STK40: variants seen among roughly 807,000 people sequenced by gnomAD.
The protein encoded by STK40 is serine/threonine-protein kinase 40.
A neutral mutation model predicts 47.9 loss-of-function variants in STK40; 13 were observed. The observed-to-expected ratio is 0.27, with a 90% CI of 0.18 to 0.43. The LOEUF is 0.43. STK40 is among the 20% of genes least tolerant of loss of function. The pLI, the probability that STK40 is intolerant of heterozygous loss-of-function variation, is 1.00. For synonymous variants in STK40, 225 were observed against 243.2 expected, an observed-to-expected ratio of 0.93 and a Z score of 0.69; for missense variants, 460 against 595.1, an observed-to-expected ratio of 0.77 and a Z score of 2.36.
Position 36,354,327 on chromosome 1 carries a change from CG to C in STK40, c.623+36del, listed in dbSNP as rs768865179. On this transcript the variant is annotated intron_variant, in intron 6 of 10. Transcript: ENST00000373132. ...TGCAATGTGTAGCCTGCCCCAGCCC[CG>C]GGGTAACTGTATGGATGTAGAGACA... The C allele has an allele frequency of 3.7e-6, 6 of 1,612,050 alleles. No individual in the cohort carries two copies. In the South Asian group the frequency reaches 5.5e-5, roughly 15 times the overall value.
rs116798272 is a variant in STK40, at chr1:36,381,403, C to T, written c.-9+4320G>A. Among the ~76,000 whole-genome samples the T allele has an allele frequency of 8.3e-3, 1,257 of 152,280 alleles. 17 individuals are homozygous for T. Among genetic ancestry groups the T allele is most frequent in the African/African-American group, 0.029 (1,206 of 41,552 alleles). ...AGTGCCACACAAATTACCACATATC[C>T]GTGCTTGTGCCAGGCTGCTCCCCCT... On this transcript the variant is annotated intron_variant, in intron 1 of 10. Coordinates refer to ENST00000373132, the MANE Select transcript of STK40 (RefSeq NM_001282547.2).
At chr1:36,360,307 C>A (rs558411195) in intron 2 of STK40, among the ~76,000 whole-genome samples, 2 of 152,288 alleles carry the variant, frequency 1.3e-5, no homozygotes, top group South Asian at 4.1e-4. Flanking sequence ...TGGCTGCAAC[C>A]CTGACTATAA....
chr1:36,343,333 G>T, intron 10 of STK40, 31 bp downstream of exon 10: 4 of 1,601,642 alleles, frequency 2.5e-6, no homozygotes, highest in Non-Finnish European at 3.4e-6. Context: ...CTTGGGGCTG[G>T]GTAATGGCCC....
chr1:36,346,303 C>T lies in STK40; in HGVS notation c.740-2039G>A, dbSNP rs181549370. Among the ~76,000 whole-genome samples, 102 of 152,168 alleles carry T rather than the reference C, an allele frequency of 6.7e-4. 2 individuals carry two copies. In the East Asian group the frequency reaches 0.017, roughly 25 times the overall value. Reference sequence around the variant, plus strand: ...GCCACCGCGCCTGGCTGGTTAAGGGCATTATTTAATCCCTCAAGTACTACT... The same window carrying T: ...GCCACCGCGCCTGGCTGGTTAAGGGTATTATTTAATCCCTCAAGTACTACT... On this transcript the variant is annotated intron_variant, in intron 7 of 10. Transcript: ENST00000373132.
chr1:36,351,812 G>A (rs1646761606), intron 6 of STK40, among the ~76,000 whole-genome samples: 1 of 152,236 alleles, frequency 6.6e-6, no homozygotes, highest in Admixed American at 6.5e-5. Flanking sequence ...GAGTGCTGGT[G>A]TGGTTAGCAG....
intron 4 of STK40, among the ~76,000 whole-genome samples, chr1:36,357,742 G>A (rs987425363): frequency 1.3e-5 from 2 of 152,112 alleles, no homozygotes; most frequent in Admixed American, 6.5e-5. Flanking sequence ...TCAGCCTCCC[G>A]AGTAGCTGGG....
rs983378166 is a variant in STK40 at position 36,339,953 on chromosome 1, C to T, written c.*1802G>A. 4.6e-5 allele frequency: 7 copies of T among 152,474 alleles called. No individual in the cohort carries two copies. Among genetic ancestry groups the T allele is most frequent in the East Asian group, 1.9e-4 (1 of 5,162 alleles). The allele number at this position is 152,474 out of a possible 1,614,324, so 9.4% of individuals were successfully genotyped here. Reference sequence around the variant, plus strand: ...CCGGTGGGCTGCTGAGAGGGGGCTCCGCTGCGACGGGCCCTGGCCCAGCTT... The same window carrying T: ...CCGGTGGGCTGCTGAGAGGGGGCTCTGCTGCGACGGGCCCTGGCCCAGCTT... On this transcript the variant is annotated 3_prime_UTR_variant, in exon 11 of 11. Coordinates refer to ENST00000373132, the MANE Select transcript of STK40 (RefSeq NM_001282547.2).
At position 36,361,266 on chromosome 1, in the gene STK40, C is replaced by T. The variant is rs867052874; in HGVS notation, c.67G>A (p.Gly23Arg). 1 of 1,614,114 alleles carries T rather than the reference C, an allele frequency of 6.2e-7. No homozygotes were observed. The highest frequency in any genetic ancestry group is 1.3e-5 in the African/African-American group (1 of 74,934). ...CTCTTTGCATTATTTCCAGAAATCC[C>T]ACTTCCTAGAGCCTTGGCCCTGGCC... ...TSARAKALGS[G>R]ISGNNAKRAG... Residue 23 changes from glycine to arginine, a missense_variant, in exon 2 of 11, where the codon GGG (glycine) becomes AGG (arginine). Gly to Arg is a moderately radical substitution (Grantham distance 125). Coordinates refer to ENST00000373132, the MANE Select transcript of STK40 (RefSeq NM_001282547.2).
chr1:36,347,645 GTT>G (rs562523525), intron 7 of STK40, among the ~76,000 whole-genome samples: 1 of 146,954 alleles, frequency 6.8e-6, no homozygotes, highest in African/African-American at 2.5e-5. Flanking sequence ...AACTTTATGA[GTT>G]TTTTTTTTTC....
intron 1 of STK40, among the ~76,000 whole-genome samples, chr1:36,371,166 A>C (rs1311170006): frequency 1.4e-5 from 2 of 144,334 alleles, no homozygotes; most frequent in Admixed American, 1.4e-4. Flanking sequence ...GGCGTGAGCC[A>C]CCACACCCAG....
intron 1 of STK40, among the ~76,000 whole-genome samples, chr1:36,383,503 C>T (rs1647058374): frequency 6.6e-6 from 1 of 152,220 alleles, no homozygotes; most frequent in Non-Finnish European, 1.5e-5. Context: ...AGCAAAGATC[C>T]ATCGCCCCAG....
chr1:36,366,753 C>T (rs1346323119), intron 1 of STK40, among the ~76,000 whole-genome samples: 1 of 152,152 alleles, frequency 6.6e-6, no homozygotes, highest in African/African-American at 2.4e-5. Flanking sequence ...TGGTCCACTA[C>T]TCGGTGCCCC....
chr1:36,356,035 C>T (rs1646800763), intron 4 of STK40, among the ~76,000 whole-genome samples: 1 of 152,136 alleles, frequency 6.6e-6, no homozygotes, highest in Non-Finnish European at 1.5e-5. Context: ...GGTTCAGGCC[C>T]CAGCCACCTT....
At chr1:36,377,262 G>A (rs1646999353) in intron 1 of STK40, among the ~76,000 whole-genome samples, 1 of 151,836 alleles carries the variant, frequency 6.6e-6, no homozygotes, top group South Asian at 2.1e-4. Context: ...GGAGCCAGGC[G>A]TGGTGGCTCA....
Position 36,385,796 on chromosome 1 carries a change from G to A in STK40, c.-82C>T, listed in dbSNP as rs1647081682. ...CGGGGCTGCTCGGCTCTCCCTCCCG[G>A]GGGGCCGGGGCCGGGCTGGAGGCGT... On this transcript the variant is annotated 5_prime_UTR_variant, in exon 1 of 11. Coordinates refer to ENST00000373132, the MANE Select transcript of STK40 (RefSeq NM_001282547.2). 1 of 163,430 alleles carries A rather than the reference G, an allele frequency of 6.1e-6. No homozygotes were observed. The highest frequency in any genetic ancestry group is 1.3e-5 in the Non-Finnish European group (1 of 76,880). 10.1% of individuals were successfully genotyped at this position (163,430 alleles called of 1,614,324 possible).
At chr1:36,359,606 A>C (rs1646834495) in intron 2 of STK40, among the ~76,000 whole-genome samples, 1 of 152,232 alleles carries the variant, frequency 6.6e-6, no homozygotes, top group African/African-American at 2.4e-5. Flanking sequence ...ACCTTGCCCA[A>C]GCTTTGAGAG....
intron 7 of STK40, among the ~76,000 whole-genome samples, chr1:36,345,016 T>A (rs1570433817): frequency 6.6e-6 from 1 of 152,228 alleles, no homozygotes; most frequent in African/African-American, 2.4e-5. Flanking sequence ...TGGGCCCACA[T>A]CTGACTGTCA....
At chr1:36,379,468 G>A (rs1225974566) in intron 1 of STK40, among the ~76,000 whole-genome samples, 2 of 148,416 alleles carry the variant, frequency 1.3e-5, no homozygotes, top group Non-Finnish European at 3.0e-5. Flanking sequence ...TGCAAGCTCC[G>A]CCTCCTGGGT....
At chr1:36,345,991 A>ATATATATTTTT in intron 7 of STK40, among the ~76,000 whole-genome samples, 1 of 26,466 alleles carries the variant, frequency 3.8e-5, no homozygotes, top group South Asian at 1.6e-3. Flanking sequence ...ATATATATAT[A>ATATATATTTTT]TTTTTTTTTT....
Sources: gnomAD v4.1 joint callset for allele counts (sites outside exome capture counted in the v4.1 genomes callset) on GRCh38, gnomAD v4.1.1 for gene constraint, MANE v1.5 for transcripts, NCBI Gene and HGNC (gene_info 2026-07-23, HGNC 2026-07-21) for gene names.